The following DENND4C variants were observed in gnomAD, a reference collection of about 807,000 sequenced individuals.
DENND4C encodes DENN domain-containing protein 4C.
In DENND4C, 108 loss-of-function variants were observed where a neutral mutation model predicts 203.0. The ratio of observed to expected loss-of-function variants is 0.53; its 90% CI spans 0.46 to 0.62. The LOEUF (loss-of-function observed/expected upper bound fraction) is 0.62. Among genes scored for constraint, DENND4C ranks in the 20% least tolerant of loss-of-function variants. The pLI is 0.00. For missense variants in DENND4C, 2,481 were observed against 2,301.2 expected, an observed-to-expected ratio of 1.08 and a Z score of -1.60; for synonymous variants, 871 against 792.4, an observed-to-expected ratio of 1.10 and a Z score of -1.67.
intron 1 of DENND4C, among the ~76,000 whole-genome samples, chr9:19,266,532 CAAA>C (rs997371898): frequency 2.0e-5 from 3 of 152,032 alleles, no homozygotes; most frequent in Non-Finnish European, 4.4e-5. Context: ...AATCCTAAGC[CAAA>C]AGAACAAAGC....
intron 12 of DENND4C, among the ~76,000 whole-genome samples, chr9:19,319,990 C>T (rs559725000): frequency 5.1e-4 from 78 of 152,098 alleles, no homozygotes; most frequent in Middle Eastern, 6.8e-3. Context: ...TGTTATTTAC[C>T]ATTTCTTCTG....
intron 1 of DENND4C, among the ~76,000 whole-genome samples, chr9:19,240,087 G>C (rs1296830120): frequency 6.6e-6 from 1 of 152,122 alleles, no homozygotes; most frequent in Non-Finnish European, 1.5e-5. Flanking sequence ...CATGCACTTT[G>C]ATACTCTCTT....
At chr9:19,263,670 T>G (rs1829885412) in intron 1 of DENND4C, among the ~76,000 whole-genome samples, 1 of 151,638 alleles carries the variant, frequency 6.6e-6, no homozygotes, top group Admixed American at 6.6e-5. Flanking sequence ...TTTTTTTTTT[T>G]TAAGACAGAA....
At chr9:19,282,024 G>A (rs1337233965) in intron 2 of DENND4C, among the ~76,000 whole-genome samples, 1 of 152,056 alleles carries the variant, frequency 6.6e-6, no homozygotes, top group African/African-American at 2.4e-5. Flanking sequence ...GAATATGAAG[G>A]CCTAGGACAT....
At position 19,369,840 on chromosome 9, in the gene DENND4C, C is replaced by A; in HGVS notation, c.5528C>A (p.Ser1843Tyr). ...PLYVSWRNFN[S>Y]EKKSSLLSEE... ...CTTACTGTGTTCTTATTGTTAGATT[C>A]TGAAAAGAAATCATCTCTCCTGTCA... is the stretch of plus-strand genomic sequence containing the variant. Residue 1843 changes from serine to tyrosine, a missense_variant, in exon 31 of 33, where the codon TCT becomes TAT. Physicochemically the swap from Ser to Tyr is moderately radical, Grantham distance 144. Transcript: ENST00000434457. 6.4e-7 allele frequency: 1 copy of A among 1,570,330 alleles called. No homozygotes were observed. The highest frequency in any genetic ancestry group is 8.6e-7 in the Non-Finnish European group (1 of 1,162,526).
At chr9:19,242,028 T>A (rs1350179715) in intron 1 of DENND4C, among the ~76,000 whole-genome samples, 2 of 152,148 alleles carry the variant, frequency 1.3e-5, no homozygotes, top group Admixed American at 1.3e-4. Context: ...GTTAAATTAT[T>A]GTGAGAAATA....
At chr9:19,351,516 A>T (rs1371650120) in intron 24 of DENND4C, among the ~76,000 whole-genome samples, 1 of 152,200 alleles carries the variant, frequency 6.6e-6, no homozygotes, top group Non-Finnish European at 1.5e-5. Context: ...GTAAAAATTT[A>T]AAATGTCCAA....
intron 25 of DENND4C, 133 bp from the exon 26 acceptor site, chr9:19,352,357 G>A (rs1360161093): frequency 9.4e-7 from 1 of 1,060,288 alleles, no homozygotes; most frequent in Non-Finnish European, 1.3e-6. Context: ...GTTTACCTGT[G>A]AAATAAAAGA....
intron 10 of DENND4C, among the ~76,000 whole-genome samples, chr9:19,315,443 G>A (rs1229419030): frequency 2.0e-5 from 3 of 150,852 alleles, no homozygotes; most frequent in Non-Finnish European, 4.4e-5. Context: ...TAAGAAGAGG[G>A]CTTTTTAGGC....
intron 18 of DENND4C, 116 bp downstream of exon 18, chr9:19,335,221 T>A: frequency 1.9e-6 from 1 of 535,024 alleles, no homozygotes; most frequent in Non-Finnish European, 2.8e-6. Context: ...AATTTTTTAA[T>A]AATTTTTATA....
At chr9:19,286,210 T>A (rs980173315) in intron 2 of DENND4C, among the ~76,000 whole-genome samples, 2 of 152,180 alleles carry the variant, frequency 1.3e-5, no homozygotes, top group Non-Finnish European at 2.9e-5. Context: ...ATTAATCAAA[T>A]TGAAGATTGA....
In DENND4C at chr9:19,304,796, G is replaced by T. The variant is rs546836554; in HGVS notation, c.1312-556G>T. On this transcript the variant is annotated intron_variant, in intron 9 of 32. Coordinates refer to ENST00000434457, the MANE Select transcript of DENND4C (RefSeq NM_001330640.2). ...GATCTCCTGACCTTGTGATCCACCC[G>T]CCTTGGCCTCCCAAAGTGCTGGGAT... Among the ~76,000 whole-genome samples the T allele has an allele frequency of 4.8e-5, 7 of 144,452 alleles. No homozygotes were observed. The South Asian group carries it at 1.6e-3, about 32-fold the overall frequency. 94.8% of individuals were successfully genotyped at this position (144,452 alleles called of 152,430 possible). A position where few individuals can be genotyped will look rare whatever the true frequency, so the allele number is the denominator to read the frequency against.
chr9:19,260,453 G>A (rs1224878120), intron 1 of DENND4C, among the ~76,000 whole-genome samples: 6 of 151,702 alleles, frequency 4.0e-5, no homozygotes, highest in Non-Finnish European at 8.8e-5. Context: ...GCTGGAATGG[G>A]GTGGCATGAT....
chr9:19,244,758 A>G (rs1165665325), intron 1 of DENND4C, among the ~76,000 whole-genome samples: 2 of 147,028 alleles, frequency 1.4e-5, no homozygotes, highest in African/African-American at 5.0e-5. Flanking sequence ...AAAAAAAAGT[A>G]GTTGCCTTAG....
intron 10 of DENND4C, among the ~76,000 whole-genome samples, chr9:19,307,381 A>C (rs1253438305): frequency 6.8e-6 from 1 of 147,732 alleles, no homozygotes; most frequent in Non-Finnish European, 1.5e-5. Context: ...GTAACAGAGC[A>C]AGACTCTGTC....
intron 1 of DENND4C, among the ~76,000 whole-genome samples, chr9:19,238,159 C>T (rs139767961): frequency 0.03 from 4,547 of 150,830 alleles, 219 homozygotes; most frequent in African/African-American, 0.1. Context: ...CTCAGCTCAC[C>T]GCAACCTGTG....
chr9:19,360,065 A>T (rs1588985695), intron 28 of DENND4C, among the ~76,000 whole-genome samples, 179 bp from the exon 29 acceptor site: 2 of 152,332 alleles, frequency 1.3e-5, no homozygotes, highest in East Asian at 3.9e-4. Flanking sequence ...ATTTAACTTA[A>T]CAGTATTTAA....
intron 12 of DENND4C, among the ~76,000 whole-genome samples, chr9:19,322,703 G>A (rs1384451581): frequency 7.1e-6 from 1 of 140,426 alleles, no homozygotes; most frequent in African/African-American, 2.8e-5. Flanking sequence ...CTGCACTCCA[G>A]CCTGGGCAAT....
At position 19,282,560 on chromosome 9, in the gene DENND4C, A is replaced by T. The variant is rs1476554475; in HGVS notation, c.306-4209A>T. On this transcript the variant is annotated intron_variant, in intron 2 of 32. Transcript: ENST00000434457. ...TGTGCCACCACGCCTGGCAAAAATT[A>T]AAAAAAAAAAAAAAATAATGGGGTC... Among the ~76,000 whole-genome samples, 27 of 34,916 alleles carry T rather than the reference A, an allele frequency of 7.7e-4. 1 individual carries two copies. In the East Asian group the frequency reaches 0.019, roughly 25 times the overall value. 22.9% of individuals were successfully genotyped at this position (34,916 alleles called of 152,430 possible). A position where few individuals can be genotyped will look rare whatever the true frequency, so the allele number is the denominator to read the frequency against.
Sources: gnomAD v4.1 joint callset for allele counts (sites outside exome capture counted in the v4.1 genomes callset) on GRCh38, gnomAD v4.1.1 for gene constraint, MANE v1.5 for transcripts, NCBI Gene and HGNC (gene_info 2026-07-23, HGNC 2026-07-21) for gene names.